LGSN: variants seen among roughly 807,000 people sequenced by gnomAD.
The protein encoded by LGSN is lengsin.
In LGSN, 21 loss-of-function variants were observed where a neutral mutation model predicts 19.5. That is an observed-to-expected ratio of 1.07 (90% CI 0.76 to 1.55). LGSN has a LOEUF of 1.55. Ranked by LOEUF, LGSN falls within the 40% of genes most tolerant of loss-of-function variation. The probability of loss-of-function intolerance (pLI) is 0.00; values close to 1 mark genes in which losing one functional copy is unlikely to be tolerated. For missense variants in LGSN, 673 were observed against 608.5 expected, an observed-to-expected ratio of 1.11 and a Z score of -1.12; for synonymous variants, 257 against 215.6, an observed-to-expected ratio of 1.19 and a Z score of -1.68.
At chr6:63,348,285 C>A in the LGSN span, among the ~76,000 whole-genome samples, 14 of 152,202 alleles carry the variant, frequency 9.2e-5, no homozygotes, top group Non-Finnish European at 1.5e-4. Context: ...AAAACCCCGT[C>A]TTTACTAAAA....
At chr6:63,475,604 C>T in the LGSN span, among the ~76,000 whole-genome samples, 5 of 152,248 alleles carry the variant, frequency 3.3e-5, no homozygotes, top group East Asian at 9.7e-4. Flanking sequence ...CGAAATAAGG[C>T]TTGAAATATG....
the LGSN span, among the ~76,000 whole-genome samples, chr6:63,325,265 T>C: frequency 6.6e-6 from 1 of 151,936 alleles, no homozygotes; most frequent in African/African-American, 2.4e-5. Flanking sequence ...CAGAACTCAA[T>C]GAGATAGAAA....
the LGSN span, among the ~76,000 whole-genome samples, chr6:63,564,003 G>A: frequency 6.6e-6 from 1 of 152,172 alleles, no homozygotes; most frequent in Admixed American, 6.5e-5. Flanking sequence ...TATATTTAAT[G>A]GTGGCTCACG....
At chr6:63,438,553 C>A in the LGSN span, among the ~76,000 whole-genome samples, 2 of 151,926 alleles carry the variant, frequency 1.3e-5, no homozygotes, top group Non-Finnish European at 2.9e-5. Flanking sequence ...AGGACATGAA[C>A]AGACACTTCT....
chr6:63,277,858 G>C lies in LGSN; in HGVS notation c.*2163C>G, dbSNP rs762457437. 1.3e-5 allele frequency: 2 copies of C among 152,386 alleles called. No individual in the cohort carries two copies. Among genetic ancestry groups the C allele is most frequent in the East Asian group, 1.9e-4 (1 of 5,190 alleles). 9.4% of individuals were successfully genotyped at this position (152,386 alleles called of 1,614,324 possible). A position where few individuals can be genotyped will look rare whatever the true frequency, so the allele number is the denominator to read the frequency against. On this transcript the variant is annotated 3_prime_UTR_variant, in exon 4 of 4. Coordinates refer to ENST00000370657, the MANE Select transcript of LGSN (RefSeq NM_016571.3). ...CTAGCACTTTGGGAGGCCAAGGCAG[G>C]CTGATCACCTGAGTTCAGGAGTTCA... is the stretch of plus-strand genomic sequence containing the variant.
At chr6:63,433,085 T>C in the LGSN span, among the ~76,000 whole-genome samples, 1 of 152,136 alleles carries the variant, frequency 6.6e-6, no homozygotes, top group Non-Finnish European at 1.5e-5. Flanking sequence ...CTTCTAGGGC[T>C]TCTCTCCTAT....
rs1025085038 is a variant in LGSN, at chr6:63,319,952, T to C, written c.-9A>G. The C allele has an allele frequency of 1.9e-6, 3 of 1,606,022 alleles. No individual in the cohort carries two copies. Among genetic ancestry groups the C allele is most frequent in the Non-Finnish European group, 2.6e-6 (3 of 1,172,944 alleles). The stretch of plus-strand genomic sequence containing the variant: ...TCCTCTTCATTATTCATCTCAACAC[T>C]TTTTAAGTTCAGCGTTAGAAACCAC... On this transcript the variant is annotated 5_prime_UTR_variant, in exon 1 of 4. Transcript: ENST00000370657.
chr6:63,553,778 G>A, the LGSN span, among the ~76,000 whole-genome samples: 5 of 152,174 alleles, frequency 3.3e-5, no homozygotes, highest in Admixed American at 2.6e-4. Context: ...GAAAGGAAGA[G>A]GAAATTGTGG....
chr6:63,514,892 C>T, the LGSN span, among the ~76,000 whole-genome samples: 3 of 151,750 alleles, frequency 2.0e-5, no homozygotes, highest in Admixed American at 6.6e-5. Context: ...TATGTAGTGA[C>T]AGGGTCTCAC....
At chr6:63,451,571 G>A in the LGSN span, among the ~76,000 whole-genome samples, 2 of 152,170 alleles carry the variant, frequency 1.3e-5, no homozygotes, top group South Asian at 2.1e-4. Context: ...AACACAGAGG[G>A]GAACAACACA....
the LGSN span, among the ~76,000 whole-genome samples, chr6:63,409,583 C>A: frequency 6.6e-6 from 1 of 152,114 alleles, no homozygotes; most frequent in African/African-American, 2.4e-5. Context: ...CAGTTAATAG[C>A]TGTATAATTT....
At chr6:63,358,839 G>A in the LGSN span, among the ~76,000 whole-genome samples, 6 of 152,082 alleles carry the variant, frequency 3.9e-5, no homozygotes, top group Non-Finnish European at 7.4e-5. Flanking sequence ...TCTCCTGCCT[G>A]AGTGCCCTGT....
the LGSN span, among the ~76,000 whole-genome samples, chr6:63,424,426 C>T: frequency 6.6e-6 from 1 of 150,614 alleles, no homozygotes; most frequent in African/African-American, 2.5e-5. Flanking sequence ...TGATTCTACA[C>T]AATATCTTCC....
chr6:63,354,864 T>A, the LGSN span, among the ~76,000 whole-genome samples: 1 of 151,778 alleles, frequency 6.6e-6, no homozygotes, highest in Middle Eastern at 3.4e-3. Context: ...TTATGTTAAG[T>A]GAAATAATCC....
the LGSN span, among the ~76,000 whole-genome samples, chr6:63,427,605 T>G: frequency 6.6e-6 from 1 of 152,208 alleles, no homozygotes; most frequent in African/African-American, 2.4e-5. Context: ...CACAGTAGTT[T>G]GCCAGTCAAA....
chr6:63,499,113 C>T, the LGSN span, among the ~76,000 whole-genome samples: 1 of 152,044 alleles, frequency 6.6e-6, no homozygotes, highest in Non-Finnish European at 1.5e-5. Context: ...TTACCAATTC[C>T]AAAGTAAATC....
the LGSN span, among the ~76,000 whole-genome samples, chr6:63,483,960 A>G: frequency 1.3e-5 from 2 of 152,004 alleles, no homozygotes; most frequent in Non-Finnish European, 2.9e-5. Flanking sequence ...AGCCCATAAC[A>G]TGCAATCAAC....
At chr6:63,335,450 G>T in the LGSN span, among the ~76,000 whole-genome samples, 1 of 152,094 alleles carries the variant, frequency 6.6e-6, no homozygotes, top group African/African-American at 2.4e-5. Flanking sequence ...AACAAAAACA[G>T]CTCAACAATA....
At chr6:63,382,766 G>A in the LGSN span, among the ~76,000 whole-genome samples, 3 of 152,156 alleles carry the variant, frequency 2.0e-5, no homozygotes, top group Admixed American at 6.6e-5. Flanking sequence ...CCAATAAAGT[G>A]TTTTAAAACA....
Sources: gnomAD v4.1 joint callset for allele counts (sites outside exome capture counted in the v4.1 genomes callset) on GRCh38, gnomAD v4.1.1 for gene constraint, MANE v1.5 for transcripts, NCBI Gene and HGNC (gene_info 2026-07-23, HGNC 2026-07-21) for gene names.